The following EYS variants were observed in gnomAD, a reference collection of about 807,000 sequenced individuals.
EYS encodes protein eyes shut homolog.
A neutral mutation model predicts 282.1 loss-of-function variants in EYS; 250 were observed. That is an observed-to-expected ratio of 0.89 (90% confidence interval 0.80 to 0.98). The LOEUF (loss-of-function observed/expected upper bound fraction) is 0.98, where lower values mean the gene tolerates loss of function less well. Ranked by LOEUF, EYS falls within the 50% of genes least tolerant of loss-of-function variation. The probability of loss-of-function intolerance (pLI) is 0.00; values close to 1 mark genes in which losing one functional copy is unlikely to be tolerated. For synonymous variants in EYS, 1,355 were observed against 1,282.9 expected (o/e 1.06, Z -1.20); for missense variants, 4,016 against 3,709.0 (o/e 1.08, Z -2.15).
intron 30 of EYS, among the ~76,000 whole-genome samples, chr6:64,297,995 AAAAAT>A (rs1769096361): frequency 1.3e-5 from 2 of 151,618 alleles, no homozygotes; most frequent in African/African-American, 4.9e-5. Flanking sequence ...AAAAAAAAAA[AAAAAT>A]TAGGTAGAAA....
chr6:65,643,163 A>C (rs942475108), intron 1 of EYS, among the ~76,000 whole-genome samples: 33 of 152,274 alleles, frequency 2.2e-4, no homozygotes, highest in African/African-American at 7.9e-4. Context: ...CCAGCTGCCT[A>C]AAAATAGACT....
At chr6:65,320,158 A>AC (rs561910057) in intron 11 of EYS, among the ~76,000 whole-genome samples, 128 of 152,010 alleles carry the variant, frequency 8.4e-4, no homozygotes, top group African/African-American at 5.5e-4. Context: ...GGAAAAAAAA[A>AC]ACACACACAC....
chr6:64,103,070 A>G (rs1373267286), intron 31 of EYS, among the ~76,000 whole-genome samples: 3 of 152,162 alleles, frequency 2.0e-5, no homozygotes, highest in Non-Finnish European at 2.9e-5. Flanking sequence ...GATGCCCCAC[A>G]TGATGCCTTT....
chr6:64,982,000 A>G (rs996704326), intron 14 of EYS, among the ~76,000 whole-genome samples: 1 of 151,470 alleles, frequency 6.6e-6, no homozygotes, highest in African/African-American at 2.4e-5. Context: ...CTAGATTTCA[A>G]TAAGACCAGG....
chr6:64,453,567 C>T (rs1775444876), intron 26 of EYS, among the ~76,000 whole-genome samples: 2 of 152,212 alleles, frequency 1.3e-5, no homozygotes, highest in Non-Finnish European at 2.9e-5. Flanking sequence ...TGTATGTTTA[C>T]TGCGGCACTA....
chr6:63,875,591 C>A (rs954887748), intron 35 of EYS, among the ~76,000 whole-genome samples: 1 of 152,102 alleles, frequency 6.6e-6, no homozygotes, highest in Admixed American at 6.5e-5. Flanking sequence ...GTTGTGATTC[C>A]GTCTGGTCCT....
chr6:65,252,638 C>T (rs904045099), intron 12 of EYS, among the ~76,000 whole-genome samples: 4 of 151,856 alleles, frequency 2.6e-5, no homozygotes, highest in Non-Finnish European at 5.9e-5. Context: ...AATAGATGCC[C>T]ATGTTTAAAT....
chr6:64,370,755 G>T (rs58791762), intron 29 of EYS, among the ~76,000 whole-genome samples: 3,742 of 152,052 alleles, frequency 0.025, 148 homozygotes, highest in African/African-American at 0.086. Context: ...TTGTGTGGTT[G>T]TATGTTTCCA....
intron 26 of EYS, among the ~76,000 whole-genome samples, chr6:64,584,102 CT>C (rs1460663801): frequency 6.6e-6 from 1 of 151,830 alleles, no homozygotes; most frequent in African/African-American, 2.4e-5. Flanking sequence ...ATCAAATATG[CT>C]TTTTGAAATA....
At chr6:64,983,594 A>G (rs1210061132) in intron 14 of EYS, among the ~76,000 whole-genome samples, 6 of 151,310 alleles carry the variant, frequency 4.0e-5, no homozygotes. Context: ...TTTGGATACT[A>G]TTATAAAGCC....
intron 12 of EYS, among the ~76,000 whole-genome samples, chr6:65,219,667 A>G (rs187807363): frequency 2.0e-4 from 30 of 152,264 alleles, no homozygotes; most frequent in Non-Finnish European, 3.2e-4. Flanking sequence ...CAATAATTGT[A>G]TTAGTCTGCT....
intron 31 of EYS, among the ~76,000 whole-genome samples, chr6:64,217,383 G>A (rs1421094912): frequency 6.6e-6 from 1 of 152,034 alleles, no homozygotes; most frequent in Non-Finnish European, 1.5e-5. Context: ...ACAAAAATTA[G>A]CAGGGCATGG....
At chr6:65,515,939 A>G (rs562085738) in intron 2 of EYS, among the ~76,000 whole-genome samples, 4 of 152,126 alleles carry the variant, frequency 2.6e-5, no homozygotes, top group South Asian at 4.1e-4. Context: ...CTTAAAGTAT[A>G]ATAATAATAA....
chr6:64,281,219 AATTCT>A (rs1328768473), intron 30 of EYS, among the ~76,000 whole-genome samples: 1 of 152,046 alleles, frequency 6.6e-6, no homozygotes, highest in Non-Finnish European at 1.5e-5. Flanking sequence ...TAATTATGTA[AATTCT>A]ATCTATGACT....
intron 29 of EYS, among the ~76,000 whole-genome samples, chr6:64,344,099 T>C (rs966552548): frequency 5.9e-5 from 9 of 152,014 alleles, no homozygotes; most frequent in Non-Finnish European, 1.0e-4. Context: ...CAGGACAAGA[T>C]GGATTCACAG....
Position 64,639,756 on chromosome 6 carries a change from A to G in EYS, c.3444-13511T>C, listed in dbSNP as rs1011694765. Among the ~76,000 whole-genome samples, 3 of 91,548 alleles carry G rather than the reference A, an allele frequency of 3.3e-5. 1 individual carries two copies. Among genetic ancestry groups the G allele is most frequent in the African/African-American group, 1.2e-4 (3 of 24,016 alleles). The allele number at this position is 91,548 out of a possible 152,430, so 60.1% of individuals were successfully genotyped here. On this transcript the variant is annotated intron_variant, in intron 22 of 42. Transcript: ENST00000503581. ...AAAGAGCTTCTGCACAGGAAAGGAA[A>G]CTACCATCAGAGTGAACAGGCAACC...
At chr6:65,222,753 G>A (rs1011612811) in intron 12 of EYS, among the ~76,000 whole-genome samples, 1 of 152,204 alleles carries the variant, frequency 6.6e-6, no homozygotes, top group African/African-American at 2.4e-5. Flanking sequence ...AACAATGATT[G>A]AGTTACAGAG....
intron 19 of EYS, among the ~76,000 whole-genome samples, chr6:64,873,512 A>G (rs1766656641): frequency 6.6e-6 from 1 of 152,088 alleles, no homozygotes; most frequent in Admixed American, 6.6e-5. Flanking sequence ...GTTAAAAGGC[A>G]GTTGCCAGAG....
intron 28 of EYS, among the ~76,000 whole-genome samples, chr6:64,391,634 A>T (rs1036315508): frequency 7.2e-5 from 11 of 152,190 alleles, no homozygotes; most frequent in Admixed American, 5.9e-4. Context: ...AGCGCTAAAC[A>T]TGGAAAGGAA....
Sources: allele counts gnomAD v4.1 joint callset (sites outside exome capture counted in the v4.1 genomes callset), GRCh38; gene constraint gnomAD v4.1.1; transcripts MANE v1.5; gene names NCBI Gene and HGNC (gene_info 2026-07-23, HGNC 2026-07-21).